Variants in AGMO observed in about 807,000 individuals in gnomAD.
AGMO encodes alkylglycerol monooxygenase.
AGMO carries 75 observed loss-of-function variants against 60.2 expected under a neutral mutation model. The observed-to-expected ratio is 1.25, with a 90% confidence interval of 1.03 to 1.51. The LOEUF (loss-of-function observed/expected upper bound fraction) is 1.51, where lower values mean the gene tolerates loss of function less well. Ranked by LOEUF, AGMO falls within the 40% of genes most tolerant of loss-of-function variation. The probability of loss-of-function intolerance (pLI) is 0.00; values close to 1 mark genes in which losing one functional copy is unlikely to be tolerated. For synonymous variants in AGMO, 261 were observed against 177.1 expected (o/e 1.47, Z -3.76); for missense variants, 763 against 525.5 (o/e 1.45, Z -4.42).
At chr7:15,211,292 CAAATT>C (rs1176975586) in intron 12 of AGMO, among the ~76,000 whole-genome samples, 4 of 151,644 alleles carry the variant, frequency 2.6e-5, no homozygotes, top group East Asian at 1.9e-4. Context: ...TTAAAAGACT[CAAATT>C]AAAAGTGAAA....
intron 12 of AGMO, among the ~76,000 whole-genome samples, chr7:15,266,895 T>C (rs575893991): frequency 2.6e-4 from 39 of 151,968 alleles, no homozygotes; most frequent in Non-Finnish European, 5.2e-4. Flanking sequence ...CTATCAGTAA[T>C]CTCAAACTAG....
rs374726065 is a variant in AGMO at position 15,561,659 on chromosome 7, A to T, written c.126+61T>A. 52 of 1,467,220 alleles carry T rather than the reference A, an allele frequency of 3.5e-5. No homozygotes were observed. In the East Asian group the frequency reaches 4.7e-4, roughly 13 times the overall value. The allele number at this position is 1,467,220 out of a possible 1,614,324, so 90.9% of individuals were successfully genotyped here. A position where few individuals can be genotyped will look rare whatever the true frequency, so the allele number is the denominator to read the frequency against. On this transcript the variant is annotated intron_variant, in intron 1 of 12. Coordinates refer to ENST00000342526, the MANE Select transcript of AGMO (RefSeq NM_001004320.2). Reference sequence around the variant, plus strand: ...AGTGAACAAAACCCTAAGGAGATTGACCTTACCATTTATTAAGAAAGCAGC... The same window carrying T: ...AGTGAACAAAACCCTAAGGAGATTGTCCTTACCATTTATTAAGAAAGCAGC...
intron 12 of AGMO, among the ~76,000 whole-genome samples, chr7:15,364,028 T>TAC (rs1782866125): frequency 6.6e-6 from 1 of 152,026 alleles, no homozygotes; most frequent in Admixed American, 6.6e-5. Flanking sequence ...AAAATGAACA[T>TAC]ACACATTAAA....
intron 12 of AGMO, among the ~76,000 whole-genome samples, chr7:15,260,085 C>A (rs1051713254): frequency 6.6e-6 from 1 of 150,876 alleles, no homozygotes; most frequent in African/African-American, 2.4e-5. Context: ...TACCTCACAT[C>A]TGAATATTAA....
chr7:15,138,999 C>T, the AGMO span, among the ~76,000 whole-genome samples: 1 of 152,090 alleles, frequency 6.6e-6, no homozygotes, highest in Non-Finnish European at 1.5e-5. Context: ...ACTAACCACC[C>T]AAATTAAGAT....
At chr7:15,132,797 C>T in the AGMO span, among the ~76,000 whole-genome samples, 1 of 152,208 alleles carries the variant, frequency 6.6e-6, no homozygotes, top group Admixed American at 6.5e-5. Context: ...AATGTGAAGT[C>T]AAGGAAGGTT....
chr7:15,239,170 G>A (rs759671428), intron 12 of AGMO, among the ~76,000 whole-genome samples: 3 of 152,130 alleles, frequency 2.0e-5, no homozygotes, highest in African/African-American at 7.2e-5. Flanking sequence ...AAAAGGCTGA[G>A]ATTGTTGCTT....
chr7:15,378,509 T>C (rs905296753), intron 10 of AGMO, among the ~76,000 whole-genome samples: 1 of 152,038 alleles, frequency 6.6e-6, no homozygotes, highest in Non-Finnish European at 1.5e-5. Flanking sequence ...ATCCTAAATA[T>C]GTATGCACCC....
chr7:15,279,333 G>A (rs1351854040), intron 12 of AGMO, among the ~76,000 whole-genome samples: 1 of 152,102 alleles, frequency 6.6e-6, no homozygotes, highest in Non-Finnish European at 1.5e-5. Context: ...TTGCCTATCT[G>A]ATGAATTCCA....
intron 10 of AGMO, among the ~76,000 whole-genome samples, chr7:15,369,797 G>A (rs1163509427): frequency 6.6e-6 from 1 of 151,898 alleles, no homozygotes; most frequent in African/African-American, 2.4e-5. Flanking sequence ...AACTCAATAT[G>A]TTTATTGAAA....
the AGMO span, among the ~76,000 whole-genome samples, chr7:15,187,993 C>A: frequency 6.6e-6 from 1 of 152,204 alleles, no homozygotes; most frequent in East Asian, 1.9e-4. Flanking sequence ...TCTTTCCAGA[C>A]ACCTTATGTC....
intron 12 of AGMO, among the ~76,000 whole-genome samples, chr7:15,314,213 A>G (rs1780848244): frequency 1.3e-5 from 2 of 152,010 alleles, no homozygotes; most frequent in Non-Finnish European, 2.9e-5. Context: ...TCATCAGGCT[A>G]CTCATAATGG....
intron 12 of AGMO, among the ~76,000 whole-genome samples, chr7:15,301,053 C>T (rs1784548236): frequency 6.6e-6 from 1 of 152,148 alleles, no homozygotes; most frequent in African/African-American, 2.4e-5. Context: ...AGAAAACAAT[C>T]ATACATTTAA....
intron 12 of AGMO, among the ~76,000 whole-genome samples, chr7:15,317,666 G>T (rs1780967033): frequency 6.6e-6 from 1 of 151,662 alleles, no homozygotes; most frequent in South Asian, 2.1e-4. Flanking sequence ...ATATCCCAAA[G>T]GACTTTCATT....
Position 15,393,912 on chromosome 7 carries a change from TACCCC to T in AGMO, c.676+196_676+200del, listed in dbSNP as rs771304779. Among the ~76,000 whole-genome samples the T allele has an allele frequency of 4.9e-3, 722 of 147,176 alleles. 6 individuals are homozygous for T. Among genetic ancestry groups the T allele is most frequent in the East Asian group, 0.014 (65 of 4,772 alleles). On this transcript the variant is annotated intron_variant, in intron 6 of 12. Coordinates refer to ENST00000342526, the MANE Select transcript of AGMO (RefSeq NM_001004320.2). The stretch of plus-strand genomic sequence containing the variant: ...CAAAAGTCAGATAGATAAATCCCCC[TACCCC>T]ACCCCACCCCACCCCACCAGTTCAT...
intron 3 of AGMO, among the ~76,000 whole-genome samples, chr7:15,510,139 G>C (rs1192831094): frequency 1.3e-5 from 2 of 152,080 alleles, no homozygotes; most frequent in East Asian, 3.9e-4. Flanking sequence ...TTATGTCAAA[G>C]AGACAAGATA....
chr7:15,202,489 A>AAAAAAAAAAAAAAAC (rs1277846759), intron 12 of AGMO, among the ~76,000 whole-genome samples: 1 of 132,096 alleles, frequency 7.6e-6, no homozygotes, highest in Admixed American at 7.4e-5. Context: ...AAAAAAAAAA[A>AAAAAAAAAAAAAAAC]CCCTCCCAAA....
chr7:15,256,382 G>A (rs765702372), intron 12 of AGMO, among the ~76,000 whole-genome samples: 4 of 151,778 alleles, frequency 2.6e-5, no homozygotes, highest in Non-Finnish European at 5.9e-5. Context: ...TCGCTCTGTC[G>A]CCCAGGCTGG....
the AGMO span, among the ~76,000 whole-genome samples, chr7:15,183,348 A>T: frequency 6.6e-6 from 1 of 152,164 alleles, no homozygotes; most frequent in East Asian, 1.9e-4. Flanking sequence ...GTGAAAGAAC[A>T]ATAGACAAGG....
Sources: allele counts gnomAD v4.1 joint callset (sites outside exome capture counted in the v4.1 genomes callset), GRCh38; gene constraint gnomAD v4.1.1; transcripts MANE v1.5; gene names NCBI Gene and HGNC (gene_info 2026-07-23, HGNC 2026-07-21).